The following MAP1LC3B variants were observed in gnomAD, a reference collection of about 807,000 sequenced individuals.
MAP1LC3B encodes microtubule associated protein 1 light chain 3 beta.
A neutral mutation model predicts 16.7 loss-of-function variants in MAP1LC3B; 12 were observed. The ratio of observed to expected loss-of-function variants is 0.72; its 90% CI spans 0.46 to 1.16. The LOEUF is 1.16. Ranked by LOEUF, MAP1LC3B falls within the 50% of genes most tolerant of loss-of-function variation. The probability of loss-of-function intolerance (pLI) is 0.00; values close to 1 mark genes in which losing one functional copy is unlikely to be tolerated. For synonymous variants in MAP1LC3B, 63 were observed against 56.5 expected (o/e 1.11, Z -0.51); for missense variants, 155 against 159.5 (o/e 0.97, Z 0.15).
At chr16:87,398,703 G>T (rs1166765548) in intron 1 of MAP1LC3B, 112 bp from the exon 2 acceptor site, 2 of 875,482 alleles carry the variant, frequency 2.3e-6, no homozygotes. Flanking sequence ...GATGTCTTCA[G>T]TGTTCTGCTG....
intron 1 of MAP1LC3B, 136 bp downstream of exon 1, chr16:87,392,603 G>A: frequency 1.2e-6 from 1 of 855,700 alleles, no homozygotes; most frequent in Admixed American, 5.0e-5. Context: ...CGGCCGGCGG[G>A]GCCGAGGGAT....
At chr16:87,395,308 T>C (rs1171764478) in intron 1 of MAP1LC3B, among the ~76,000 whole-genome samples, 1 of 152,188 alleles carries the variant, frequency 6.6e-6, no homozygotes, top group African/African-American at 2.4e-5. Flanking sequence ...TCATTTCTGT[T>C]TTACAGCTTT....
chr16:87,393,329 G>A (rs923452307), intron 1 of MAP1LC3B: 1 of 152,222 alleles, frequency 6.6e-6, no homozygotes, highest in African/African-American at 2.4e-5. Flanking sequence ...GGTATCTGTT[G>A]TTGCCTAAGT....
intron 2 of MAP1LC3B, chr16:87,399,341 TTTCTGCTACCACTTAA>T (rs1310643484): frequency 1.1e-5 from 3 of 268,540 alleles, no homozygotes. Flanking sequence ...CTGCCTCTAA[TTTCTGCTACCACTTAA>T]ACTCAGGCAG....
intron 1 of MAP1LC3B, chr16:87,393,022 G>C (rs1446118398): frequency 6.6e-6 from 1 of 152,428 alleles, no homozygotes; most frequent in East Asian, 1.9e-4. Context: ...GTCGAGAGGA[G>C]GGGAATGTGC....
chr16:87,400,862 G>A (rs528822048), intron 2 of MAP1LC3B, among the ~76,000 whole-genome samples: 4 of 152,116 alleles, frequency 2.6e-5, no homozygotes, highest in East Asian at 3.9e-4. Flanking sequence ...CTGGCCGGAC[G>A]CGGTGGCTCA....
chr16:87,402,483 C>A (rs1006459825), intron 3 of MAP1LC3B: 7 of 595,070 alleles, frequency 1.2e-5, no homozygotes, highest in Admixed American at 6.5e-5. Context: ...ATATTACTTG[C>A]TAGACTGCAG....
At chr16:87,401,993 C>T (rs548928400) in intron 2 of MAP1LC3B, among the ~76,000 whole-genome samples, 182 bp from the exon 3 acceptor site, 5 of 152,242 alleles carry the variant, frequency 3.3e-5, no homozygotes, top group African/African-American at 4.8e-5. Context: ...CCACCATGCC[C>T]GGCTAATTTT....
intron 1 of MAP1LC3B, among the ~76,000 whole-genome samples, chr16:87,394,625 C>G (rs535308182): frequency 6.6e-6 from 1 of 152,320 alleles, no homozygotes; most frequent in Non-Finnish European, 1.5e-5. Flanking sequence ...CACCTAGTGG[C>G]AGAGTCTGGA....
At chr16:87,396,197 C>T (rs752820968) in intron 1 of MAP1LC3B, among the ~76,000 whole-genome samples, 47 of 151,406 alleles carry the variant, frequency 3.1e-4, no homozygotes, top group Middle Eastern at 6.8e-3. Context: ...TGTTTCCAGC[C>T]GGGTGTGGTG....
At chr16:87,392,930 C>T (rs1026183028) in intron 1 of MAP1LC3B, 2 of 152,228 alleles carry the variant, frequency 1.3e-5, no homozygotes, top group African/African-American at 4.8e-5. Flanking sequence ...CGCCGGGACC[C>T]AGCGCGTCAC....
In MAP1LC3B at chr16:87,404,135, C is replaced by A. The variant is rs1055816108; in HGVS notation, c.*1038C>A. ...AGACAGCCATCAGAATTCTCCCACA[C>A]CAAGTGCATGTCAGTTGTGGAGAAA... On this transcript the variant is annotated 3_prime_UTR_variant, in exon 4 of 4. Coordinates refer to ENST00000268607, the MANE Select transcript of MAP1LC3B (RefSeq NM_022818.5). 5.3e-5 allele frequency: 8 copies of A among 152,158 alleles called. No individual in the cohort carries two copies. The highest frequency in any genetic ancestry group is 1.9e-4 in the African/African-American group (8 of 41,438). 9.4% of individuals were successfully genotyped at this position (152,158 alleles called of 1,614,324 possible).
chr16:87,397,943 G>GT (rs968336269), intron 1 of MAP1LC3B, among the ~76,000 whole-genome samples: 21 of 146,172 alleles, frequency 1.4e-4, no homozygotes, highest in African/African-American at 2.8e-4. Context: ...GACTTGGCTT[G>GT]TTTTTTTTTC....
chr16:87,399,641 A>C, intron 2 of MAP1LC3B: 1 of 455,732 alleles, frequency 2.2e-6, no homozygotes, highest in Non-Finnish European at 4.4e-6. Flanking sequence ...CGCAGCGTTC[A>C]GTAAACACAG....
intron 1 of MAP1LC3B, among the ~76,000 whole-genome samples, chr16:87,393,757 T>A (rs1259085149): frequency 6.6e-6 from 1 of 152,176 alleles, no homozygotes; most frequent in African/African-American, 2.4e-5. Context: ...CTTTTTTATT[T>A]TGAGACAGGG....
At chr16:87,402,421 G>T in intron 3 of MAP1LC3B, 140 bp downstream of exon 3, 1 of 794,966 alleles carries the variant, frequency 1.3e-6, no homozygotes, top group Non-Finnish European at 1.9e-6. Flanking sequence ...ATTCAGTTAT[G>T]ATTAAAACAA....
At chr16:87,398,565 T>C (rs1308562412) in intron 1 of MAP1LC3B, among the ~76,000 whole-genome samples, 1 of 152,248 alleles carries the variant, frequency 6.6e-6, no homozygotes, top group African/African-American at 2.4e-5. Flanking sequence ...TGAAACTAGT[T>C]GTCCCATATT....
rs1347427446 is a variant in MAP1LC3B at position 87,392,431 on chromosome 16, C to T, written c.4C>T (p.Pro2Ser). ...CCGCCGCCCAGATCCCTGCACCATG[C>T]CGTCGGAGAAGACCTTCAAGCAGCG... M[P>S]SEKTFKQRRT... The change falls in exon 1 of 4, where the codon CCG (proline) becomes TCG (serine). Residue 2 changes from proline to serine, a missense_variant. Coordinates refer to ENST00000268607, the MANE Select transcript of MAP1LC3B (RefSeq NM_022818.5). 1 of 1,420,634 alleles carries T rather than the reference C, an allele frequency of 7.0e-7. No individual in the cohort carries two copies. The highest frequency in any genetic ancestry group is 9.1e-7 in the Non-Finnish European group (1 of 1,096,666). The allele number at this position is 1,420,634 out of a possible 1,614,324, so 88.0% of individuals were successfully genotyped here.
intron 1 of MAP1LC3B, among the ~76,000 whole-genome samples, chr16:87,395,296 G>A (rs1029626583): frequency 6.6e-6 from 1 of 152,124 alleles, no homozygotes; most frequent in African/African-American, 2.4e-5. Context: ...GTGGAGCCGT[G>A]TTCATTTCTG....
Sources: gnomAD v4.1 joint callset for allele counts (sites outside exome capture counted in the v4.1 genomes callset) on GRCh38, gnomAD v4.1.1 for gene constraint, MANE v1.5 for transcripts, NCBI Gene and HGNC (gene_info 2026-07-23, HGNC 2026-07-21) for gene names.